Variants in TSHZ2 observed in about 807,000 individuals in gnomAD.
The protein encoded by TSHZ2 is teashirt homolog 2.
In TSHZ2, 21 loss-of-function variants were observed where a neutral mutation model predicts 74.4. That is an observed-to-expected ratio of 0.28 (90% CI 0.20 to 0.41). The LOEUF is 0.41. Ranked by LOEUF, TSHZ2 falls within the 10% of genes least tolerant of loss-of-function variation. The probability of loss-of-function intolerance (pLI) is 1.00; values close to 1 mark genes in which losing one functional copy is unlikely to be tolerated. For synonymous variants in TSHZ2, 540 were observed against 515.3 expected (o/e 1.05, Z -0.65); for missense variants, 1,244 against 1,293.5 (o/e 0.96, Z 0.59).
At chr20:53,051,580 A>C (rs1054661046) in intron 1 of TSHZ2, among the ~76,000 whole-genome samples, 11 of 152,036 alleles carry the variant, frequency 7.2e-5, no homozygotes, top group African/African-American at 2.4e-4. Flanking sequence ...GATATCAAGT[A>C]GTTTTATTGA....
chr20:53,363,014 T>C (rs984370448), intron 2 of TSHZ2, among the ~76,000 whole-genome samples: 4 of 152,226 alleles, frequency 2.6e-5, no homozygotes, highest in East Asian at 3.9e-4. Context: ...TGCAGCATCA[T>C]AGGATTTAAC....
chr20:53,031,431 T>A (rs1163171148), intron 1 of TSHZ2, among the ~76,000 whole-genome samples: 2 of 152,158 alleles, frequency 1.3e-5, no homozygotes, highest in African/African-American at 4.8e-5. Context: ...AGACAAGTAG[T>A]CACCAAAAGA....
At chr20:53,277,853 G>A (rs1388475259) in intron 2 of TSHZ2, among the ~76,000 whole-genome samples, 1 of 152,194 alleles carries the variant, frequency 6.6e-6, no homozygotes, top group East Asian at 1.9e-4. Flanking sequence ...TGCACAACTT[G>A]GGCTGAGATT....
intron 1 of TSHZ2, among the ~76,000 whole-genome samples, chr20:53,155,810 G>T (rs1286888653): frequency 6.6e-6 from 1 of 152,146 alleles, no homozygotes; most frequent in African/African-American, 2.4e-5. Context: ...GGCCTCAAAA[G>T]ACAATTAAGA....
chr20:53,271,695 G>T (rs57380482), intron 2 of TSHZ2, among the ~76,000 whole-genome samples: 6,310 of 152,182 alleles, frequency 0.041, 309 homozygotes, highest in East Asian at 0.11. Flanking sequence ...AGGATAAGAG[G>T]GAAAAGTGTT....
intron 1 of TSHZ2, among the ~76,000 whole-genome samples, chr20:53,251,505 T>C (rs1246365411): frequency 6.6e-6 from 1 of 152,234 alleles, no homozygotes; most frequent in Non-Finnish European, 1.5e-5. Flanking sequence ...ACAGTTTTCC[T>C]GCAAGTTGTG....
At chr20:53,357,592 T>C (rs1189663568) in intron 2 of TSHZ2, among the ~76,000 whole-genome samples, 3 of 152,218 alleles carry the variant, frequency 2.0e-5, no homozygotes, top group African/African-American at 2.4e-5. Context: ...GAGCTCTTGA[T>C]ACAAAATTTT....
chr20:52,984,218 C>T (rs1404949407), intron 1 of TSHZ2, among the ~76,000 whole-genome samples: 1 of 152,050 alleles, frequency 6.6e-6, no homozygotes, highest in South Asian at 2.1e-4. Context: ...CTGTAGGAGG[C>T]GCTGGAACTG....
At chr20:53,466,010 G>A (rs957397792) in intron 2 of TSHZ2, among the ~76,000 whole-genome samples, 15 of 151,552 alleles carry the variant, frequency 9.9e-5, no homozygotes, top group African/African-American at 3.6e-4. Context: ...ACTTTGGGGG[G>A]CCCAAGGCAG....
intron 1 of TSHZ2, among the ~76,000 whole-genome samples, chr20:53,053,501 A>C (rs1209782534): frequency 6.6e-6 from 1 of 152,090 alleles, no homozygotes; most frequent in East Asian, 1.9e-4. Flanking sequence ...CCACCATCTT[A>C]TTCCCTCCAA....
chr20:53,036,566 T>C (rs1419579514), intron 1 of TSHZ2, among the ~76,000 whole-genome samples: 1 of 149,888 alleles, frequency 6.7e-6, no homozygotes, highest in Non-Finnish European at 1.5e-5. Context: ...AAAGAAGTTT[T>C]AAAAAGTAAA....
intron 2 of TSHZ2, among the ~76,000 whole-genome samples, chr20:53,333,506 A>C (rs1979812447): frequency 6.6e-6 from 1 of 150,958 alleles, no homozygotes; most frequent in Non-Finnish European, 1.5e-5. Flanking sequence ...CCCAGGCTGG[A>C]GTGCAGTGGC....
At chr20:53,186,817 T>C (rs1445267857) in intron 1 of TSHZ2, among the ~76,000 whole-genome samples, 1 of 151,886 alleles carries the variant, frequency 6.6e-6, no homozygotes, top group African/African-American at 2.4e-5. Context: ...ATCAATCACT[T>C]GGGGGAGAGT....
At chr20:53,215,206 C>T (rs547300061) in intron 1 of TSHZ2, among the ~76,000 whole-genome samples, 14 of 152,214 alleles carry the variant, frequency 9.2e-5, no homozygotes, top group Non-Finnish European at 1.9e-4. Context: ...CACTTTTCCA[C>T]GTGGCAAACA....
chr20:53,382,464 G>A (rs1340108909), intron 2 of TSHZ2, among the ~76,000 whole-genome samples: 2 of 152,156 alleles, frequency 1.3e-5, no homozygotes, highest in East Asian at 1.9e-4. Context: ...TGGAGAAGGG[G>A]GAAGAAATCA....
intron 2 of TSHZ2, among the ~76,000 whole-genome samples, chr20:53,381,833 T>C (rs1981868604): frequency 6.6e-6 from 1 of 152,202 alleles, no homozygotes; most frequent in Non-Finnish European, 1.5e-5. Flanking sequence ...CTTCCTACAC[T>C]GCATCCACAG....
chr20:53,021,142 G>A (rs1983231265), intron 1 of TSHZ2, among the ~76,000 whole-genome samples: 1 of 152,138 alleles, frequency 6.6e-6, no homozygotes, highest in African/African-American at 2.4e-5. Context: ...TCCTTTCCCA[G>A]CCCTTCCCCT....
intron 1 of TSHZ2, among the ~76,000 whole-genome samples, chr20:53,004,882 TCC>T (rs1017158348): frequency 1.9e-4 from 29 of 152,318 alleles, no homozygotes; most frequent in African/African-American, 7.0e-4. Context: ...CCATCATTAT[TCC>T]CATTTTACAG....
intron 1 of TSHZ2, among the ~76,000 whole-genome samples, chr20:53,087,663 G>C (rs143293018): frequency 6.6e-6 from 1 of 152,206 alleles, no homozygotes; most frequent in Non-Finnish European, 1.5e-5. Context: ...TCTTGGAAAA[G>C]ACTTTCTTTT....
Sources: allele counts gnomAD v4.1 joint callset (sites outside exome capture counted in the v4.1 genomes callset), GRCh38; gene constraint gnomAD v4.1.1; transcripts MANE v1.5; gene names NCBI Gene and HGNC (gene_info 2026-07-23, HGNC 2026-07-21).